Variants in ZCCHC4 observed in about 807,000 individuals in gnomAD.
The protein encoded by ZCCHC4 is rRNA N(6)-adenosine-methyltransferase ZCCHC4.
A neutral mutation model predicts 67.7 loss-of-function variants in ZCCHC4; 54 were observed. The observed-to-expected ratio is 0.80, with a 90% confidence interval of 0.64 to 1.00. The LOEUF (loss-of-function observed/expected upper bound fraction) is 1.00, where lower values mean the gene tolerates loss of function less well. Among genes scored for constraint, ZCCHC4 ranks in the 50% least tolerant of loss-of-function variants. The probability of loss-of-function intolerance (pLI) is 0.00; values close to 1 mark genes in which losing one functional copy is unlikely to be tolerated. For missense variants in ZCCHC4, 609 were observed against 617.0 expected (o/e 0.99, Z 0.14); for synonymous variants, 198 against 213.5 (o/e 0.93, Z 0.63).
intron 12 of ZCCHC4, 96 bp from the exon 13 acceptor site, chr4:25,368,933 A>C (rs765689038): frequency 7.2e-7 from 1 of 1,380,490 alleles, no homozygotes. Context: ...CCCTTCTTCT[A>C]TTTTCTTATT....
intron 8 of ZCCHC4, among the ~76,000 whole-genome samples, chr4:25,356,473 T>G (rs1321390029): frequency 1.3e-5 from 2 of 152,070 alleles, no homozygotes; most frequent in African/African-American, 4.8e-5. Flanking sequence ...ATAATCTCAA[T>G]TAGGTTATGC....
At position 25,315,488 on chromosome 4, in the gene ZCCHC4, T is replaced by C. The variant is rs527315837; in HGVS notation, c.329+88T>C. On this transcript the variant is annotated intron_variant, in intron 3 of 12. Coordinates refer to ENST00000302874, the MANE Select transcript of ZCCHC4 (RefSeq NM_024936.3). ...TTCTGTGCCTTTAAGTTTACTTTCA[T>C]TTATTTATTTTTATTGTAGTTACAT... 49 of 940,368 alleles carry C rather than the reference T, an allele frequency of 5.2e-5. No homozygotes were observed. The African/African-American group carries it at 6.9e-4, about 13-fold the overall frequency. The allele number at this position is 940,368 out of a possible 1,614,324, so 58.3% of individuals were successfully genotyped here.
At chr4:25,339,432 A>G (rs1027173900) in intron 5 of ZCCHC4, among the ~76,000 whole-genome samples, 2 of 152,172 alleles carry the variant, frequency 1.3e-5, no homozygotes, top group Non-Finnish European at 2.9e-5. Flanking sequence ...TAATTTCTCC[A>G]TGTCCTTGCC....
intron 8 of ZCCHC4, among the ~76,000 whole-genome samples, chr4:25,360,946 G>A (rs1463836391): frequency 6.6e-6 from 1 of 152,212 alleles, no homozygotes; most frequent in East Asian, 1.9e-4. Flanking sequence ...ATTGTGGATG[G>A]TGATCACCAA....
intron 10 of ZCCHC4, among the ~76,000 whole-genome samples, chr4:25,364,080 A>C (rs1192504558): frequency 6.6e-6 from 1 of 152,262 alleles, no homozygotes; most frequent in East Asian, 1.9e-4. Flanking sequence ...TAAAGTTCTC[A>C]AATATGAATT....
chr4:25,354,285 A>G (rs1720427153), intron 8 of ZCCHC4, among the ~76,000 whole-genome samples: 1 of 152,166 alleles, frequency 6.6e-6, no homozygotes, highest in African/African-American at 2.4e-5. Context: ...AGTTTTGAGA[A>G]ATAGTTGCAA....
intron 12 of ZCCHC4, chr4:25,365,569 G>C: frequency 1.0e-6 from 1 of 988,766 alleles, no homozygotes; most frequent in Non-Finnish European, 1.2e-6. Flanking sequence ...ATTTCAGATT[G>C]AATAGCAAGT....
intron 11 of ZCCHC4, 109 bp from the exon 12 acceptor site, chr4:25,364,913 G>A (rs915291868): frequency 6.9e-7 from 1 of 1,456,052 alleles, no homozygotes; most frequent in Non-Finnish European, 9.3e-7. Flanking sequence ...TGTGCAAACT[G>A]GCCACAATAC....
rs1450814763 is a variant in ZCCHC4 at position 25,325,303 on chromosome 4, C to CT, written c.330-7879dup. The stretch of plus-strand genomic sequence containing the variant: ...CATTCTTGGGTCGTCTTTTCACTCT[C>CT]TCTTTTTTTTTTTTTTGGCAGTGGT... On this transcript the variant is annotated intron_variant, in intron 3 of 12. Transcript: ENST00000302874. Among the ~76,000 whole-genome samples the CT allele has an allele frequency of 8.7e-3, 998 of 115,072 alleles. 32 individuals are homozygous for CT. The highest frequency in any genetic ancestry group is 0.025 in the African/African-American group (940 of 37,010). The allele number at this position is 115,072 out of a possible 152,430, so 75.5% of individuals were successfully genotyped here.
Position 25,369,127 on chromosome 4 carries a change from AAAG to A in ZCCHC4, c.1506_1508del (p.Arg504del). On this transcript the variant is annotated inframe_deletion, in exon 13 of 13. Coordinates refer to ENST00000302874, the MANE Select transcript of ZCCHC4 (RefSeq NM_024936.3). ...CATACATCTGCTACAAGGAGAAAGA[AAAG>A]GAGGGAAAGAGCCCATCAATATCTT... 1 of 1,613,918 alleles carries A rather than the reference AAAG, an allele frequency of 6.2e-7. No individual in the cohort carries two copies. Among genetic ancestry groups the A allele is most frequent in the South Asian group, 1.1e-5 (1 of 90,988 alleles).
At chr4:25,354,662 T>C (rs1025968152) in intron 8 of ZCCHC4, among the ~76,000 whole-genome samples, 1 of 152,160 alleles carries the variant, frequency 6.6e-6, no homozygotes, top group African/African-American at 2.4e-5. Flanking sequence ...TTAACTTCAT[T>C]AAAATTTTTT....
Position 25,359,021 on chromosome 4 carries a change from A to C in ZCCHC4, c.1012-2838A>C, listed in dbSNP as rs1332314797. ...ACTTGGCGTGACAATTGACATCACG[A>C]ACAGGATACTGAGGAGAGTGAGCCT... On this transcript the variant is annotated intron_variant, in intron 8 of 12. Transcript: ENST00000302874. This position sits in a 1 kb window ranked among gnomAD's most constrained non-coding sequence, Gnocchi z 4.9. Among the ~76,000 whole-genome samples the C allele has an allele frequency of 6.6e-6, 1 of 152,190 alleles. No homozygotes were observed. The highest frequency in any genetic ancestry group is 2.4e-5 in the African/African-American group (1 of 41,438).
intron 10 of ZCCHC4, among the ~76,000 whole-genome samples, chr4:25,363,088 G>A (rs1033760557): frequency 3.3e-5 from 5 of 152,180 alleles, no homozygotes; most frequent in African/African-American, 9.7e-5. Flanking sequence ...TTTGAAAAAT[G>A]TATAATGACA....
At chr4:25,326,291 G>A (rs1229336626) in intron 3 of ZCCHC4, among the ~76,000 whole-genome samples, 1 of 152,146 alleles carries the variant, frequency 6.6e-6, no homozygotes, top group Non-Finnish European at 1.5e-5. Context: ...TCACTCCACT[G>A]CCTCTGGCTT....
In ZCCHC4 at chr4:25,349,632, T is replaced by A. The variant is rs1429102505; in HGVS notation, c.900T>A (p.Gly300=). ...FKKLIAMWKE[G]QSQDDSHKEL... Reference sequence around the variant, plus strand: ...AGTTAATTGCTATGTGGAAAGAAGGTCAAAGCCAAGGTGTATAATTTATTA... The same window carrying A: ...AGTTAATTGCTATGTGGAAAGAAGGACAAAGCCAAGGTGTATAATTTATTA... Residue 300 remains glycine, a synonymous_variant, in exon 7 of 13, where the codon GGT becomes GGA. Coordinates refer to ENST00000302874, the MANE Select transcript of ZCCHC4 (RefSeq NM_024936.3). 20 of 1,613,678 alleles carry A rather than the reference T, an allele frequency of 1.2e-5. No individual in the cohort carries two copies. The highest frequency in any genetic ancestry group is 1.7e-5 in the Non-Finnish European group (20 of 1,179,828).
chr4:25,365,899 A>T (rs746725718), intron 12 of ZCCHC4: 16 of 984,138 alleles, frequency 1.6e-5, no homozygotes, highest in Non-Finnish European at 1.9e-5. Flanking sequence ...AAAAGGGATG[A>T]TAGTGATTAA....
intron 5 of ZCCHC4, among the ~76,000 whole-genome samples, chr4:25,340,089 C>T (rs1006561613): frequency 3.9e-5 from 6 of 151,982 alleles, no homozygotes; most frequent in East Asian, 3.9e-4. Context: ...AGGATGGTCT[C>T]GATCTCCTGA....
chr4:25,366,975 T>C (rs973167352), intron 12 of ZCCHC4, among the ~76,000 whole-genome samples: 4 of 152,152 alleles, frequency 2.6e-5, no homozygotes, highest in Non-Finnish European at 4.4e-5. Flanking sequence ...TTACTTTTTT[T>C]CTCAGAGAAG....
chr4:25,323,688 A>G (rs58563615), intron 3 of ZCCHC4, among the ~76,000 whole-genome samples: 2,126 of 152,316 alleles, frequency 0.014, 53 homozygotes, highest in African/African-American at 0.047. Context: ...CCTTAGTGAT[A>G]TGGGGATCAT....
Sources: gnomAD v4.1 joint callset for allele counts (sites outside exome capture counted in the v4.1 genomes callset) on GRCh38, gnomAD v4.1.1 for gene constraint, Gnocchi (gnomAD v3.1) non-coding constraint, MANE v1.5 for transcripts, NCBI Gene and HGNC (gene_info 2026-07-23, HGNC 2026-07-21) for gene names.